The following PHACTR3 variants were observed in gnomAD, a reference collection of about 807,000 sequenced individuals.
PHACTR3 encodes protein phosphatase 1, regulatory subunit 123.
PHACTR3 carries 16 observed loss-of-function variants against 66.8 expected under a neutral mutation model. The observed-to-expected ratio is 0.24, with a 90% CI of 0.16 to 0.36. The LOEUF is 0.36. PHACTR3 is among the 10% of genes least tolerant of loss of function. PHACTR3 has a pLI of 1.00. For synonymous variants in PHACTR3, 323 were observed against 292.1 expected (o/e 1.11, Z -1.08); for missense variants, 647 against 719.9 (o/e 0.90, Z 1.16).
At chr20:59,713,756 T>TC (rs2037988971) in intron 1 of PHACTR3, among the ~76,000 whole-genome samples, 1 of 152,022 alleles carries the variant, frequency 6.6e-6, no homozygotes, top group East Asian at 1.9e-4. Flanking sequence ...TTTTTTTTTT[T>TC]CTCCTTTTTT....
intron 1 of PHACTR3, among the ~76,000 whole-genome samples, chr20:59,615,599 C>A (rs1245049309): frequency 6.6e-6 from 1 of 152,222 alleles, no homozygotes; most frequent in African/African-American, 2.4e-5. Context: ...GGCCCTACAG[C>A]ATTGAGCTTT....
chr20:59,765,781 C>A (rs189745067), intron 4 of PHACTR3, among the ~76,000 whole-genome samples: 1 of 152,276 alleles, frequency 6.6e-6, no homozygotes, highest in Non-Finnish European at 1.5e-5. Flanking sequence ...TTGGGTACCT[C>A]CAGAAACAGC....
intron 1 of PHACTR3, among the ~76,000 whole-genome samples, chr20:59,677,263 A>T (rs920166285): frequency 1.3e-5 from 2 of 152,176 alleles, no homozygotes; most frequent in Admixed American, 6.5e-5. Context: ...TGGAGATTGA[A>T]GCCTTCATTT....
In PHACTR3 at chr20:59,820,775, C is replaced by T. The variant is rs1413122163; in HGVS notation, c.1328+14581C>T. On this transcript the variant is annotated intron_variant, in intron 8 of 12. Transcript: ENST00000371015. The surrounding 1 kb of genome is among the most constrained non-coding windows in gnomAD (Gnocchi z 4.6). The stretch of plus-strand genomic sequence containing the variant: ...GCATGTTTTGTAAGAAAATGCAAAA[C>T]AACATCAACCCCCATTCAGTGTCAA... Among the ~76,000 whole-genome samples the T allele has an allele frequency of 6.6e-6, 1 of 152,176 alleles. No homozygotes were observed. Among genetic ancestry groups the T allele is most frequent in the African/African-American group, 2.4e-5 (1 of 41,434 alleles).
intron 8 of PHACTR3, 46 bp downstream of exon 8, chr20:59,806,240 G>A: frequency 6.3e-7 from 1 of 1,593,972 alleles, no homozygotes; most frequent in Non-Finnish European, 8.5e-7. Flanking sequence ...CTCTGGCCTT[G>A]CAGGCGGAGC....
chr20:59,798,851 G>A (rs1209338131), intron 7 of PHACTR3, among the ~76,000 whole-genome samples: 2 of 151,780 alleles, frequency 1.3e-5, no homozygotes, highest in Non-Finnish European at 2.9e-5. Context: ...TTCTACTCTT[G>A]TGGTTTATTT....
intron 1 of PHACTR3, among the ~76,000 whole-genome samples, chr20:59,662,202 G>GTGTC (rs2035832800): frequency 6.6e-6 from 1 of 152,070 alleles, no homozygotes; most frequent in African/African-American, 2.4e-5. Flanking sequence ...TCAAAGGCAT[G>GTGTC]TAGTCTTGAG....
chr20:59,756,036 A>G (rs1568786233), intron 4 of PHACTR3, among the ~76,000 whole-genome samples: 1 of 152,056 alleles, frequency 6.6e-6, no homozygotes, highest in Non-Finnish European at 1.5e-5. Flanking sequence ...AGTGACTATT[A>G]TCAAAGGCAG....
chr20:59,767,275 G>A lies in PHACTR3; in HGVS notation c.631G>A (p.Ala211Thr), dbSNP rs746482289. 7 of 1,614,230 alleles carry A rather than the reference G, an allele frequency of 4.3e-6. No homozygotes were observed. Among genetic ancestry groups the A allele is most frequent in the Non-Finnish European group, 5.9e-6 (7 of 1,180,040 alleles). The change falls in exon 5 of 13, where the codon GCT becomes ACT. Residue 211 changes from alanine (A) to threonine (T), a missense_variant. By Grantham distance (58) the Ala-to-Thr change is moderately conservative. Around this residue, in one of 2 missense-constraint regions of PHACTR3, gnomAD observed 577 missense variants for 571.1 expected, o/e 1.01. Transcript: ENST00000371015. ...TGAGCTCTCCCAAGCCTTAGCTGGG[G>A]CTGACTCCCTGGACAGTCCTCCCAG... Reference protein sequence around the residue: ...TNELSQALAGADSLDSPPRPL... With the variant: ...TNELSQALAGTDSLDSPPRPL...
rs1225287578 is a variant in PHACTR3, at chr20:59,767,512, A to G, written c.751+117A>G. 5 of 1,185,476 alleles carry G rather than the reference A, an allele frequency of 4.2e-6. No individual in the cohort carries two copies. In the Admixed American group the frequency reaches 6.3e-5, roughly 15 times the overall value. 73.4% of individuals were successfully genotyped at this position (1,185,476 alleles called of 1,614,324 possible). A position where few individuals can be genotyped will look rare whatever the true frequency, so the allele number is the denominator to read the frequency against. On this transcript the variant is annotated intron_variant, in intron 5 of 12. Coordinates refer to ENST00000371015, the MANE Select transcript of PHACTR3 (RefSeq NM_080672.5). The stretch of plus-strand genomic sequence containing the variant: ...TATTTATTCACCCATTCACTCATCC[A>G]TCCATCCATACCTTCAACCAGTCTT...
At chr20:59,672,875 T>A (rs991816101) in intron 1 of PHACTR3, among the ~76,000 whole-genome samples, 2 of 152,052 alleles carry the variant, frequency 1.3e-5, no homozygotes, top group African/African-American at 4.8e-5. Context: ...CCTGTGGAGG[T>A]GGGAAGAGCC....
intron 1 of PHACTR3, among the ~76,000 whole-genome samples, chr20:59,681,582 C>T (rs2036650244): frequency 6.6e-6 from 1 of 152,186 alleles, no homozygotes; most frequent in African/African-American, 2.4e-5. Context: ...ATTCAAGAGC[C>T]AAACAGATAT....
chr20:59,767,101 C>T, intron 4 of PHACTR3, 85 bp from the exon 5 acceptor site: 1 of 1,396,320 alleles, frequency 7.2e-7, no homozygotes, highest in South Asian at 1.3e-5. Flanking sequence ...GATCCCATCC[C>T]ACCAAACCCT....
At chr20:59,580,236 G>A (rs1050439173) in intron 1 of PHACTR3, among the ~76,000 whole-genome samples, 1 of 152,158 alleles carries the variant, frequency 6.6e-6, no homozygotes, top group Admixed American at 6.5e-5. Flanking sequence ...GTTGGAGCAA[G>A]GGTCCCGGCA....
At position 59,820,565 on chromosome 20, in the gene PHACTR3, C is replaced by T. The variant is rs2042005721; in HGVS notation, c.1328+14371C>T. The stretch of plus-strand genomic sequence containing the variant: ...GTCCCCGTGTACAGGGAGGGAAAGC[C>T]CATCTGTGTGTGGCATGCAGGGTAC... On this transcript the variant is annotated intron_variant, in intron 8 of 12. Coordinates refer to ENST00000371015, the MANE Select transcript of PHACTR3 (RefSeq NM_080672.5). This position sits in a 1 kb window ranked among gnomAD's most constrained non-coding sequence, Gnocchi z 4.6. Among the ~76,000 whole-genome samples, 1 of 152,080 alleles carries T rather than the reference C, an allele frequency of 6.6e-6. No individual in the cohort carries two copies. Among genetic ancestry groups the T allele is most frequent in the Admixed American group, 6.5e-5 (1 of 15,272 alleles).
At chr20:59,586,737 C>G (rs2033041163) in intron 1 of PHACTR3, among the ~76,000 whole-genome samples, 1 of 152,194 alleles carries the variant, frequency 6.6e-6, no homozygotes, top group Admixed American at 6.5e-5. Flanking sequence ...CAGTGATAGT[C>G]ACACCAGCCA....
chr20:59,769,501 C>G (rs546466036), intron 5 of PHACTR3, among the ~76,000 whole-genome samples: 9 of 152,330 alleles, frequency 5.9e-5, no homozygotes, highest in African/African-American at 2.2e-4. Flanking sequence ...GGAACCAACG[C>G]TGCCAGCATC....
chr20:59,716,540 G>A (rs140825799), intron 1 of PHACTR3, among the ~76,000 whole-genome samples: 7 of 106,428 alleles, frequency 6.6e-5, no homozygotes, highest in South Asian at 3.4e-4. Context: ...CACTGCACCC[G>A]GCCCTCTTCA....
rs575035525 is a variant in PHACTR3, at chr20:59,587,186, C to T, written c.109+9569C>T. On this transcript the variant is annotated intron_variant, in intron 1 of 12. Coordinates refer to the PHACTR3 transcript ENST00000359926. ...CCTACAGGTGGACACTGGGATGGTTCTCTCCACCTGTCCTCATCTGTGGCT... is the reference window on the plus strand; with the variant it reads ...CCTACAGGTGGACACTGGGATGGTTTTCTCCACCTGTCCTCATCTGTGGCT... Among the ~76,000 whole-genome samples, 13 of 152,342 alleles carry T rather than the reference C, an allele frequency of 8.5e-5. No homozygotes were observed. In the East Asian group the frequency reaches 2.3e-3, roughly 27 times the overall value.
Sources: gnomAD v4.1 joint callset for allele counts (sites outside exome capture counted in the v4.1 genomes callset) on GRCh38, gnomAD v4.1.1 for gene constraint, gnomAD v4.1.1 regional missense constraint, Gnocchi (gnomAD v3.1) non-coding constraint, MANE v1.5 for transcripts, NCBI Gene and HGNC (gene_info 2026-07-23, HGNC 2026-07-21) for gene names.